Variants in PER3 observed in about 807,000 individuals in gnomAD.
PER3 encodes the protein period circadian protein homolog 3.
A neutral mutation model predicts 127.2 loss-of-function variants in PER3; 107 were observed. That is an observed-to-expected ratio of 0.84 (90% CI 0.72 to 0.99). The LOEUF (loss-of-function observed/expected upper bound fraction) is 0.99, where lower values mean the gene tolerates loss of function less well. PER3 is among the 50% of genes least tolerant of loss of function. The pLI, the probability that PER3 is intolerant of heterozygous loss-of-function variation, is 0.00. For missense variants in PER3, 1,560 were observed against 1,525.8 expected (o/e 1.02, Z -0.37); for synonymous variants, 618 against 585.8 (o/e 1.05, Z -0.79).
intron 8 of PER3, among the ~76,000 whole-genome samples, chr1:7,801,698 G>A (rs1368652335): frequency 6.6e-6 from 1 of 152,144 alleles, no homozygotes; most frequent in South Asian, 2.1e-4. Flanking sequence ...TACTTTTGGG[G>A]GATGTTGAAA....
intron 5 of PER3, chr1:7,788,493 C>A: frequency 2.0e-6 from 1 of 493,226 alleles, no homozygotes; most frequent in Admixed American, 3.4e-5. Context: ...ATTTCATTAC[C>A]AGCGTATTGT....
At chr1:7,809,145 TTTAAA>T (rs2097208366) in intron 11 of PER3, 147 bp downstream of exon 11, 2 of 569,050 alleles carry the variant, frequency 3.5e-6, no homozygotes, top group South Asian at 2.5e-5. Context: ...TCTTTTCGTT[TTTAAA>T]TTAAATTTTA....
chr1:7,792,504 G>A (rs1365075554), intron 5 of PER3, among the ~76,000 whole-genome samples: 2 of 152,168 alleles, frequency 1.3e-5, no homozygotes, highest in Non-Finnish European at 2.9e-5. Flanking sequence ...ATTCACTTAT[G>A]CCATAAGGCA....
At position 7,826,741 on chromosome 1, in the gene PER3, A is replaced by C. The variant is rs764825893; in HGVS notation, c.2188+31A>C. The C allele has an allele frequency of 7.9e-7, 1 of 1,261,244 alleles. No individual in the cohort carries two copies. 78.1% of individuals were successfully genotyped at this position (1,261,244 alleles called of 1,614,324 possible). A position where few individuals can be genotyped will look rare whatever the true frequency, so the allele number is the denominator to read the frequency against. ...TAATTTTTTAAAAATAAATGCCATT[A>C]ATCTATGTAAATGTTACAAACTGTA... On this transcript the variant is annotated intron_variant, in intron 17 of 21. Transcript: ENST00000377532. The surrounding 1 kb of genome is among the most constrained non-coding windows in gnomAD (Gnocchi z 4.2).
chr1:7,830,139 C>T lies in PER3; in HGVS notation c.3192C>T (p.Ser1064=). The part of the protein sequence containing the change: ...STGSPPSESP[S]RTGSAASGSS... ...GGTCACCTCCCAGCGAATCCCCATC[C>T]AGAACTGGTTCAGCAGCATCAGGTA... is the stretch of plus-strand genomic sequence containing the variant. The change falls in exon 19 of 22, where the codon TCC becomes TCT. Residue 1064 remains serine, a synonymous_variant. Transcript: ENST00000377532. 1 of 1,614,092 alleles carries T rather than the reference C, an allele frequency of 6.2e-7. No homozygotes were observed. The highest frequency in any genetic ancestry group is 8.5e-7 in the Non-Finnish European group (1 of 1,179,920).
In PER3 at chr1:7,843,612, A is replaced by T. The variant is rs2097400597; in HGVS notation, c.*857A>T. ...TACATACTTCTGTGTTTAAATTTTC[A>T]TTCTTACCAAAACAGTTAACTCTTT... is the stretch of plus-strand genomic sequence containing the variant. On this transcript the variant is annotated 3_prime_UTR_variant, in exon 22 of 22. Coordinates refer to ENST00000377532, the MANE Select transcript of PER3 (RefSeq NM_001377275.1). 6.5e-6 allele frequency: 1 copy of T among 152,708 alleles called. No individual in the cohort carries two copies. The highest frequency in any genetic ancestry group is 6.5e-5 in the Admixed American group (1 of 15,290). 9.5% of individuals were successfully genotyped at this position (152,708 alleles called of 1,614,324 possible).
intron 19 of PER3, among the ~76,000 whole-genome samples, chr1:7,834,370 G>A (rs769710549): frequency 6.6e-6 from 1 of 152,048 alleles, no homozygotes; most frequent in Admixed American, 6.5e-5. Flanking sequence ...ACATTTTAAC[G>A]TGTAAAAAAA....
intron 21 of PER3, among the ~76,000 whole-genome samples, chr1:7,837,518 A>G (rs2097364009): frequency 6.6e-6 from 1 of 152,218 alleles, no homozygotes; most frequent in African/African-American, 2.4e-5. Flanking sequence ...ATTGTTTGAA[A>G]AGAGTTAAAA....
intron 10 of PER3, 82 bp from the exon 11 acceptor site, chr1:7,808,811 C>T: frequency 1.3e-6 from 1 of 750,316 alleles, no homozygotes; most frequent in Non-Finnish European, 2.4e-6. Flanking sequence ...AAGCATAGAT[C>T]TATTCTTGGA....
chr1:7,832,638 G>T (rs963199038), intron 19 of PER3, among the ~76,000 whole-genome samples: 2 of 151,730 alleles, frequency 1.3e-5, no homozygotes, highest in African/African-American at 4.8e-5. Flanking sequence ...CTTCCAAATT[G>T]CTGGGATTAC....
chr1:7,827,051 A>G, intron 17 of PER3, 67 bp from the exon 18 acceptor site: 1 of 1,223,860 alleles, frequency 8.2e-7, no homozygotes, highest in South Asian at 1.6e-5. Flanking sequence ...AACTACCTGT[A>G]AGTGGCATCC....
chr1:7,824,736 T>G (rs888172026), intron 16 of PER3, among the ~76,000 whole-genome samples: 4 of 152,182 alleles, frequency 2.6e-5, no homozygotes, highest in Non-Finnish European at 5.9e-5. Flanking sequence ...GTGTGTAGTC[T>G]AGGCCTGTTT....
At chr1:7,817,224 C>T (rs957902610) in intron 13 of PER3, among the ~76,000 whole-genome samples, 1 of 152,186 alleles carries the variant, frequency 6.6e-6, no homozygotes, top group South Asian at 2.1e-4. Flanking sequence ...CTTTTGGTTA[C>T]TGTGGTGATG....
chr1:7,842,994 TA>T lies in PER3; in HGVS notation c.*242del, dbSNP rs1172035296. 2 of 285,124 alleles carry T rather than the reference TA, an allele frequency of 7.0e-6. No homozygotes were observed. The highest frequency in any genetic ancestry group is 1.3e-5 in the Non-Finnish European group (2 of 149,498). The allele number at this position is 285,124 out of a possible 1,614,324, so 17.7% of individuals were successfully genotyped here. A position where few individuals can be genotyped will look rare whatever the true frequency, so the allele number is the denominator to read the frequency against. On this transcript the variant is annotated 3_prime_UTR_variant, in exon 22 of 22. Transcript: ENST00000377532. The stretch of plus-strand genomic sequence containing the variant: ...CTCTTTTTGTAGTTGAATTGTCTTC[TA>T]AAGAGATTGGATGGCCTCTAAAGAG...
chr1:7,837,287 C>T (rs902069373), intron 21 of PER3, 138 bp downstream of exon 21: 1 of 614,370 alleles, frequency 1.6e-6, no homozygotes, highest in East Asian at 2.8e-5. Flanking sequence ...GTTATTATTC[C>T]CTCTTTACCA....
At chr1:7,790,052 C>T (rs1022167686) in intron 5 of PER3, among the ~76,000 whole-genome samples, 1 of 152,222 alleles carries the variant, frequency 6.6e-6, no homozygotes, top group Non-Finnish European at 1.5e-5. Flanking sequence ...ACAGGACATA[C>T]ACAATATTGT....
chr1:7,810,058 G>A (rs766675073), intron 12 of PER3, 37 bp downstream of exon 12: 15 of 1,588,836 alleles, frequency 9.4e-6, no homozygotes, highest in South Asian at 3.4e-5. Flanking sequence ...TACAGGCATC[G>A]TGTTTTCTGT....
At chr1:7,819,119 ATCTT>A (rs1470373672) in intron 13 of PER3, among the ~76,000 whole-genome samples, 162 bp from the exon 14 acceptor site, 7 of 152,318 alleles carry the variant, frequency 4.6e-5, no homozygotes, top group Admixed American at 6.5e-5. Context: ...TGTTGTGGAT[ATCTT>A]TCTATTAGTG....
At position 7,827,523 on chromosome 1, in the gene PER3, T is replaced by A; in HGVS notation, c.2594T>A (p.Val865Asp). 1.2e-6 allele frequency: 2 copies of A among 1,614,224 alleles called. No homozygotes were observed. The highest frequency in any genetic ancestry group is 1.1e-5 in the South Asian group (1 of 91,084). Residue 865 changes from valine to aspartate, a missense_variant, in exon 18 of 22, where the codon GTC becomes GAC. Physicochemically the swap from Val to Asp is radical, Grantham distance 152 (BLOSUM62 -3). Coordinates refer to ENST00000377532, the MANE Select transcript of PER3 (RefSeq NM_001377275.1). ...ACCGTTTTCCTGCCTGACCCCCCTG[T>A]CTGTCCTCTGTTGTCGCCATCGTTT... Reference protein sequence around the residue: ...FMTVFLPDPPVCPLLSPSFLP... With the variant: ...FMTVFLPDPPDCPLLSPSFLP...
Sources: allele counts gnomAD v4.1 joint callset (sites outside exome capture counted in the v4.1 genomes callset), GRCh38; gene constraint gnomAD v4.1.1; non-coding constraint Gnocchi (gnomAD v3.1); transcripts MANE v1.5; gene names NCBI Gene and HGNC (gene_info 2026-07-23, HGNC 2026-07-21).